Variants in CHSY3 observed in about 807,000 individuals in gnomAD.
The protein encoded by CHSY3 is chondroitin sulfate synthase 3, also known as N-acetylgalactosaminyl-proteoglycan 3-beta-glucuronosyltransferase 3.
CHSY3 carries 35 observed loss-of-function variants against 67.2 expected under a neutral mutation model. The ratio of observed to expected loss-of-function variants is 0.52; its 90% confidence interval spans 0.40 to 0.69. The LOEUF is 0.69. CHSY3 is among the 30% of genes least tolerant of loss of function. The probability of loss-of-function intolerance (pLI) is 0.00; values close to 1 mark genes in which losing one functional copy is unlikely to be tolerated. For missense variants in CHSY3, 1,069 were observed against 1,138.5 expected, an observed-to-expected ratio of 0.94 and a Z score of 0.88; for synonymous variants, 474 against 434.7, an observed-to-expected ratio of 1.09 and a Z score of -1.12.
chr5:130,102,059 T>C (rs944150024), intron 2 of CHSY3, among the ~76,000 whole-genome samples: 2 of 152,186 alleles, frequency 1.3e-5, no homozygotes, highest in Admixed American at 6.5e-5. Context: ...TTTTGGAAGA[T>C]GTCAGTTGTA....
intron 2 of CHSY3, among the ~76,000 whole-genome samples, chr5:130,000,795 C>T (rs1763704242): frequency 8.8e-6 from 1 of 113,426 alleles, no homozygotes; most frequent in Non-Finnish European, 1.6e-5. Flanking sequence ...CCAGGCTGGT[C>T]TGAACTCCTG....
At chr5:129,912,938 A>G (rs531308647) in intron 2 of CHSY3, among the ~76,000 whole-genome samples, 1 of 152,206 alleles carries the variant, frequency 6.6e-6, no homozygotes, top group Non-Finnish European at 1.5e-5. Context: ...AAACTTTATA[A>G]GCAAAGATTA....
Position 130,185,756 on chromosome 5 carries a change from C to T in CHSY3, c.2614C>T (p.His872Tyr). The T allele has an allele frequency of 6.2e-7, 1 of 1,608,840 alleles. No individual in the cohort carries two copies. The highest frequency in any genetic ancestry group is 8.5e-7 in the Non-Finnish European group (1 of 1,176,562). ...MQLAELWLEK[H>Y]LGVRYNRTLS ...ACTGGCTGAACTCTGGCTTGAAAAA[C>T]ATTTAGGTGTCAGGTACAATCGAAC... The change falls in exon 3 of 3, where the codon CAT (histidine) becomes TAT (tyrosine). Residue 872 changes from histidine to tyrosine, a missense_variant. By Grantham distance (83) the His-to-Tyr change is moderately conservative (BLOSUM62 2). Transcript: ENST00000305031.
chr5:129,982,841 C>T (rs1763060981), intron 2 of CHSY3, among the ~76,000 whole-genome samples: 1 of 151,860 alleles, frequency 6.6e-6, no homozygotes, highest in Non-Finnish European at 1.5e-5. Context: ...GTCTTTTTAT[C>T]TAATAGAAAG....
At chr5:130,132,166 A>G (rs556635781) in intron 2 of CHSY3, among the ~76,000 whole-genome samples, 64 of 152,310 alleles carry the variant, frequency 4.2e-4, no homozygotes, top group African/African-American at 1.5e-3. Flanking sequence ...AGGCATAGAC[A>G]TATTTACTCT....
intron 2 of CHSY3, among the ~76,000 whole-genome samples, chr5:130,079,651 G>T (rs1203810582): frequency 6.6e-6 from 1 of 152,050 alleles, no homozygotes; most frequent in Non-Finnish European, 1.5e-5. Context: ...GACACTAGCT[G>T]CCTGGCTTAA....
intron 2 of CHSY3, among the ~76,000 whole-genome samples, chr5:130,057,900 C>CAG (rs141613378): frequency 0.025 from 3,789 of 149,160 alleles, 91 homozygotes; most frequent in African/African-American, 0.064. Flanking sequence ...TACATGCACA[C>CAG]AGAGAGAGAG....
chr5:129,911,102 A>G (rs1222439613), intron 2 of CHSY3, among the ~76,000 whole-genome samples: 5 of 151,554 alleles, frequency 3.3e-5, no homozygotes, highest in African/African-American at 9.7e-5. Flanking sequence ...ATAGAATGTC[A>G]TCTTTTAAAA....
chr5:130,093,263 A>G (rs1766938811), intron 2 of CHSY3, among the ~76,000 whole-genome samples: 1 of 152,232 alleles, frequency 6.6e-6, no homozygotes. Context: ...AATTAAACAC[A>G]GATAAAAATT....
At chr5:130,148,790 G>A (rs1769149543) in intron 2 of CHSY3, among the ~76,000 whole-genome samples, 1 of 151,994 alleles carries the variant, frequency 6.6e-6, no homozygotes, top group Non-Finnish European at 1.5e-5. Flanking sequence ...TATAGATGCT[G>A]GATATTAGAC....
chr5:130,075,843 C>A (rs1766231355), intron 2 of CHSY3, among the ~76,000 whole-genome samples: 1 of 152,068 alleles, frequency 6.6e-6, no homozygotes, highest in Admixed American at 6.6e-5. Context: ...CTGTTGCTAT[C>A]CCAGTACCTC....
intron 2 of CHSY3, among the ~76,000 whole-genome samples, chr5:130,183,374 T>C (rs1306821954): frequency 7.2e-6 from 1 of 138,686 alleles, no homozygotes; most frequent in African/African-American, 2.7e-5. Context: ...TGTAGATCAG[T>C]ATAGTTTCCG....
At chr5:130,092,484 A>G (rs1036473586) in intron 2 of CHSY3, among the ~76,000 whole-genome samples, 5 of 152,218 alleles carry the variant, frequency 3.3e-5, no homozygotes, top group African/African-American at 1.2e-4. Flanking sequence ...TATAGACTCA[A>G]AAGAACTACA....
At chr5:129,927,909 T>C (rs1761170153) in intron 2 of CHSY3, among the ~76,000 whole-genome samples, 2 of 152,164 alleles carry the variant, frequency 1.3e-5, no homozygotes, top group South Asian at 4.1e-4. Context: ...ATAGGATATG[T>C]AGTTGACCTG....
chr5:130,165,677 A>G (rs1411029991), intron 2 of CHSY3, among the ~76,000 whole-genome samples: 2 of 152,006 alleles, frequency 1.3e-5, no homozygotes, highest in African/African-American at 2.4e-5. Context: ...TTTGAGATAC[A>G]TGCACATATC....
At chr5:130,098,558 T>A (rs2149697078) in intron 2 of CHSY3, among the ~76,000 whole-genome samples, 1 of 152,150 alleles carries the variant, frequency 6.6e-6, no homozygotes, top group African/African-American at 2.4e-5. Flanking sequence ...AGAAAAAAAA[T>A]GGATAATAAT....
chr5:130,031,989 C>T (rs1330921052), intron 2 of CHSY3, among the ~76,000 whole-genome samples: 1 of 152,086 alleles, frequency 6.6e-6, no homozygotes, highest in Non-Finnish European at 1.5e-5. Flanking sequence ...GATAAATATG[C>T]AATTTGATAA....
At chr5:130,163,414 T>A (rs1769619225) in intron 2 of CHSY3, among the ~76,000 whole-genome samples, 1 of 152,150 alleles carries the variant, frequency 6.6e-6, no homozygotes. Context: ...CACATTTCAT[T>A]TCTTTACACA....
At chr5:130,043,773 G>T (rs1442191181) in intron 2 of CHSY3, among the ~76,000 whole-genome samples, 1 of 152,038 alleles carries the variant, frequency 6.6e-6, no homozygotes, top group Non-Finnish European at 1.5e-5. Context: ...GTTTTATAGT[G>T]TTTAAGGTTG....
Sources: allele counts gnomAD v4.1 joint callset (sites outside exome capture counted in the v4.1 genomes callset), GRCh38; gene constraint gnomAD v4.1.1; transcripts MANE v1.5; gene names NCBI Gene and HGNC (gene_info 2026-07-23, HGNC 2026-07-21).